Variants in ADAM11 observed in about 807,000 individuals in gnomAD.
The protein encoded by ADAM11 is ADAM metallopeptidase domain 11.
In ADAM11, 49 loss-of-function variants were observed where a neutral mutation model predicts 119.1. The ratio of observed to expected loss-of-function variants is 0.41; its 90% confidence interval spans 0.33 to 0.52. ADAM11 has a LOEUF of 0.52. Among genes scored for constraint, ADAM11 ranks in the 20% least tolerant of loss-of-function variants. The pLI, the probability that ADAM11 is intolerant of heterozygous loss-of-function variation, is 0.20. For missense variants in ADAM11, 777 were observed against 1,047.5 expected, an observed-to-expected ratio of 0.74 and a Z score of 3.56; for synonymous variants, 364 against 408.0, an observed-to-expected ratio of 0.89 and a Z score of 1.30.
rs755326614 is a variant in ADAM11, at chr17:44,776,606, T to C, written c.1567-139T>C. On this transcript the variant is annotated intron_variant, in intron 18 of 26. Transcript: ENST00000200557. This position sits in a 1 kb window ranked among gnomAD's most constrained non-coding sequence, Gnocchi z 5.2. The stretch of plus-strand genomic sequence containing the variant: ...TGGTCTGGGTCCAGAACCAGACAGA[T>C]CGCTTGTCCTAGGCGTGGAAGAGCC... 5.5e-6 allele frequency: 6 copies of C among 1,094,796 alleles called. No homozygotes were observed. The highest frequency in any genetic ancestry group is 2.6e-5 in the East Asian group (1 of 38,494). The allele number at this position is 1,094,796 out of a possible 1,614,324, so 67.8% of individuals were successfully genotyped here. A position where few individuals can be genotyped will look rare whatever the true frequency, so the allele number is the denominator to read the frequency against.
At position 44,776,063 on chromosome 17, in the gene ADAM11, G is replaced by T. The variant is rs934488769; in HGVS notation, c.1486-64G>T. The T allele has an allele frequency of 2.3e-5, 37 of 1,583,816 alleles. No individual in the cohort carries two copies. The highest frequency in any genetic ancestry group is 3.4e-5 in the Admixed American group (2 of 59,330). On this transcript the variant is annotated intron_variant, in intron 17 of 26. Coordinates refer to ENST00000200557, the MANE Select transcript of ADAM11 (RefSeq NM_002390.6). The surrounding 1 kb of genome is among the most constrained non-coding windows in gnomAD (Gnocchi z 5.2). The stretch of plus-strand genomic sequence containing the variant: ...GATGTGGGGGTCCAGAGAGCGAGGG[G>T]CCTGGGGAGGGCAGGGCCGAGGCAT...
chr17:44,777,828 G>T lies in ADAM11; in HGVS notation c.2035G>T (p.Gly679Cys). ...TGCCTTCAACTTCAGCACCTGCCCC[G>T]GCAGTGGGGAGCGCCGGATTTGCTC... ...ASAFNFSTCPGSGERRICSHH... is the reference protein window; with the variant it reads ...ASAFNFSTCPCSGERRICSHH... Residue 679 changes from glycine to cysteine, a missense_variant, in exon 23 of 27, where the codon GGC (glycine) becomes TGC (cysteine). Physicochemically the swap from Gly to Cys is radical, Grantham distance 159 (BLOSUM62 -3). Coordinates refer to ENST00000200557, the MANE Select transcript of ADAM11 (RefSeq NM_002390.6). The surrounding 1 kb of genome is among the most constrained non-coding windows in gnomAD (Gnocchi z 5.1). 1 of 1,613,784 alleles carries T rather than the reference G, an allele frequency of 6.2e-7. No individual in the cohort carries two copies. The highest frequency in any genetic ancestry group is 8.5e-7 in the Non-Finnish European group (1 of 1,180,010).
In ADAM11 at chr17:44,771,819, G is replaced by A; in HGVS notation, c.531G>A (p.Trp177Ter). The change falls in exon 6 of 27, where the codon TGG becomes TGA. Residue 177 changes from tryptophan to a stop codon, truncating the protein, a stop_gained. Coordinates refer to ENST00000200557, the MANE Select transcript of ADAM11 (RefSeq NM_002390.6). LOFTEE classifies it high-confidence loss of function. The stretch of plus-strand genomic sequence containing the variant: ...AGCCCCAAGAGGTGGCTGGACCTTG[G>A]GGAGCCCCTCAGGTAAGCCCCACAC... ...IVEPQEVAGP[W>*]GAPQGPLPHL... is the part of the protein sequence containing the mutation. 6.2e-7 allele frequency: 1 copy of A among 1,611,168 alleles called. No individual in the cohort carries two copies. The highest frequency in any genetic ancestry group is 8.5e-7 in the Non-Finnish European group (1 of 1,177,684).
In ADAM11 at chr17:44,769,755, C is replaced by T. The variant is rs369093900; in HGVS notation, c.275C>T (p.Ala92Val). The T allele has an allele frequency of 6.2e-6, 10 of 1,614,038 alleles. 1 individual carries two copies. In the African/African-American group the frequency reaches 1.3e-4, roughly 22 times the overall value. Residue 92 changes from alanine to valine, a missense_variant, in exon 3 of 27, where the codon GCC becomes GTC. Physicochemically the swap from Ala to Val is moderately conservative, Grantham distance 64. This residue lies in a region of ADAM11 where 278 missense variants were observed against 310.1 expected (regional missense o/e 0.90). Coordinates refer to ENST00000200557, the MANE Select transcript of ADAM11 (RefSeq NM_002390.6). ...HLAQVSFVIP[A>V]FNSNFTLDLE... The stretch of plus-strand genomic sequence containing the variant: ...GCCCAGGTGAGTTTCGTCATCCCAG[C>T]CTTCAACTCAAACTTCACCCTGGAC...
Position 44,772,549 on chromosome 17 carries a change from AC to A in ADAM11, c.678+86del. 1 of 1,477,620 alleles carries A rather than the reference AC, an allele frequency of 6.8e-7. No homozygotes were observed. The highest frequency in any genetic ancestry group is 9.2e-7 in the Non-Finnish European group (1 of 1,092,240). The allele number at this position is 1,477,620 out of a possible 1,614,324, so 91.5% of individuals were successfully genotyped here. A position where few individuals can be genotyped will look rare whatever the true frequency, so the allele number is the denominator to read the frequency against. Reference sequence around the variant, plus strand: ...AGGCCGTGGCCCAGAGCAGGAGGGCACCCTCATCTATGGCTGGGGCGAAGGA... The same window carrying A: ...AGGCCGTGGCCCAGAGCAGGAGGGCACCTCATCTATGGCTGGGGCGAAGGA... On this transcript the variant is annotated intron_variant, in intron 8 of 26. Transcript: ENST00000200557. The surrounding 1 kb of genome is among the most constrained non-coding windows in gnomAD (Gnocchi z 4.5).
Position 44,779,900 on chromosome 17 carries a change from G to A in ADAM11, c.*146G>A. The stretch of plus-strand genomic sequence containing the variant: ...CTCCTGGCTCCGCAGGGGTTTGGGT[G>A]GGGGCTGTGGCCCTGCCCTTGGCAC... On this transcript the variant is annotated 3_prime_UTR_variant, in exon 27 of 27. Transcript: ENST00000200557. The A allele has an allele frequency of 1.6e-6, 2 of 1,213,166 alleles. No homozygotes were observed. Among genetic ancestry groups the A allele is most frequent in the East Asian group, 2.5e-5 (1 of 39,650 alleles). 75.2% of individuals were successfully genotyped at this position (1,213,166 alleles called of 1,614,324 possible).
intron 2 of ADAM11, among the ~76,000 whole-genome samples, chr17:44,766,892 C>T (rs752934230): frequency 1.3e-5 from 2 of 152,036 alleles, no homozygotes; most frequent in Non-Finnish European, 2.9e-5. Context: ...AGGCAGGGAG[C>T]ACAGTTTGGC....
intron 6 of ADAM11, 22 bp downstream of exon 6, chr17:44,771,853 G>A (rs1446937952): frequency 1.9e-6 from 3 of 1,591,148 alleles, no homozygotes; most frequent in Non-Finnish European, 2.6e-6. Flanking sequence ...ACAACCCCTT[G>A]CCATCCTCTC....
In ADAM11 at chr17:44,777,210, AC is replaced by A; in HGVS notation, c.1727del (p.Thr576ArgfsTer37). The A allele has an allele frequency of 6.2e-7, 1 of 1,609,000 alleles. No individual in the cohort carries two copies. Among genetic ancestry groups the A allele is most frequent in the Non-Finnish European group, 8.5e-7 (1 of 1,179,416 alleles). Reference protein sequence around the residue: ...FCYEKLNVEGTERGSCGRKGS... With the variant: ...FCYEKLNVEGXERGSCGRKGS... ...CTACGAGAAGCTGAATGTGGAGGGGACGGAGCGTGGGAGCTGTGGGCGCAAG... is the reference window on the plus strand; with the variant it reads ...CTACGAGAAGCTGAATGTGGAGGGGAGGAGCGTGGGAGCTGTGGGCGCAAG... On this transcript the variant is annotated frameshift_variant, in exon 21 of 27. Transcript: ENST00000200557. LOFTEE classifies it high-confidence loss of function. The surrounding 1 kb of genome is among the most constrained non-coding windows in gnomAD (Gnocchi z 5.1).
chr17:44,775,756 G>A lies in ADAM11; in HGVS notation c.1485+80G>A. 1.1e-5 allele frequency: 15 copies of A among 1,390,160 alleles called. No individual in the cohort carries two copies. The highest frequency in any genetic ancestry group is 1.4e-5 in the Non-Finnish European group (14 of 1,031,168). 86.1% of individuals were successfully genotyped at this position (1,390,160 alleles called of 1,614,324 possible). ...CCTTCATATAAGGGGTGGGAGCTAG[G>A]GAGGGAAGCGGAGCCTTCGGGGACG... On this transcript the variant is annotated intron_variant, in intron 17 of 26. Transcript: ENST00000200557. This position sits in a 1 kb window ranked among gnomAD's most constrained non-coding sequence, Gnocchi z 7.5.
In ADAM11 at chr17:44,778,007, G is replaced by T. The variant is rs988034923; in HGVS notation, c.2126G>T (p.Cys709Phe). The change falls in exon 24 of 27, where the codon TGC becomes TTC. Residue 709 changes from cysteine (C) to phenylalanine (F), a missense_variant. Physicochemically the swap from Cys to Phe is radical, Grantham distance 205 (BLOSUM62 -2). Coordinates refer to ENST00000200557, the MANE Select transcript of ADAM11 (RefSeq NM_002390.6). ...CAGCCAGACTGGACAGGCAAAGACT[G>T]CAGTATCCATAACCCCCTGCCCACG... ...ICQPDWTGKDCSIHNPLPTSP... is the reference protein window; with the variant it reads ...ICQPDWTGKDFSIHNPLPTSP... 1 of 1,614,022 alleles carries T rather than the reference G, an allele frequency of 6.2e-7. No individual in the cohort carries two copies. The highest frequency in any genetic ancestry group is 8.5e-7 in the Non-Finnish European group (1 of 1,180,002).
At position 44,773,459 on chromosome 17, in the gene ADAM11, C is replaced by T. The variant is rs1165526877; in HGVS notation, c.992+32C>T. 2 of 1,604,426 alleles carry T rather than the reference C, an allele frequency of 1.2e-6. No individual in the cohort carries two copies. The highest frequency in any genetic ancestry group is 1.3e-5 in the African/African-American group (1 of 74,820). On this transcript the variant is annotated intron_variant, in intron 11 of 26. Transcript: ENST00000200557. The surrounding 1 kb of genome is among the most constrained non-coding windows in gnomAD (Gnocchi z 4.6). ...CCCCCACCCTGCACCTCCTGCCAGC[C>T]TCTGCTAGTTGCTACAGTGCTTGGG...
In ADAM11 at chr17:44,780,225, G is replaced by A. The variant is rs140643052; in HGVS notation, c.*471G>A. On this transcript the variant is annotated 3_prime_UTR_variant, in exon 27 of 27. Transcript: ENST00000200557. ...AATCTTAATCGATGAATGTAAACTC[G>A]GGGGTGCTGGGGCCAGGGCAGATGT... is the stretch of plus-strand genomic sequence containing the variant. 2.4e-4 allele frequency: 106 copies of A among 445,728 alleles called. No homozygotes were observed. Among genetic ancestry groups the A allele is most frequent in the African/African-American group, 1.8e-3 (88 of 49,182 alleles). 27.6% of individuals were successfully genotyped at this position (445,728 alleles called of 1,614,324 possible). A position where few individuals can be genotyped will look rare whatever the true frequency, so the allele number is the denominator to read the frequency against.
rs1057337412 is a variant in ADAM11 at position 44,773,221 on chromosome 17, C to A, written c.826-40C>A. ...GGCCCTCCTCCAGCCCTGGCCCCAA[C>A]ACCCACTCCCACCCTCCAGCCCCCT... On this transcript the variant is annotated intron_variant, in intron 10 of 26. Transcript: ENST00000200557. The surrounding 1 kb of genome is among the most constrained non-coding windows in gnomAD (Gnocchi z 4.6). The A allele has an allele frequency of 6.2e-7, 1 of 1,607,378 alleles. No individual in the cohort carries two copies. Among genetic ancestry groups the A allele is most frequent in the South Asian group, 1.1e-5 (1 of 90,748 alleles).
chr17:44,776,098 C>T lies in ADAM11; in HGVS notation c.1486-29C>T, dbSNP rs750640162. On this transcript the variant is annotated intron_variant, in intron 17 of 26. Coordinates refer to ENST00000200557, the MANE Select transcript of ADAM11 (RefSeq NM_002390.6). The surrounding 1 kb of genome is among the most constrained non-coding windows in gnomAD (Gnocchi z 5.2). ...GGCAGGGCCGAGGCATCCATCCTGC[C>T]TGACTCGAGGAGCGCGTCTCTTCCC... 6.2e-7 allele frequency: 1 copy of T among 1,612,622 alleles called. No homozygotes were observed. The highest frequency in any genetic ancestry group is 1.1e-5 in the South Asian group (1 of 91,044).
rs1260074961 is a variant in ADAM11, at chr17:44,771,620, C to T, written c.418C>T (p.Arg140Trp). 5 of 1,611,880 alleles carry T rather than the reference C, an allele frequency of 3.1e-6. No homozygotes were observed. The South Asian group carries it at 3.3e-5, about 11-fold the overall frequency. Reference sequence around the variant, plus strand: ...CCACTGCTACTACCAGGGGAAGCTCCGGGGGAACCCGCACTCCTTCGCCGC... The same window carrying T: ...CCACTGCTACTACCAGGGGAAGCTCTGGGGGAACCCGCACTCCTTCGCCGC... ...GDHCYYQGKL[R>W]GNPHSFAALS... is the part of the protein sequence containing the mutation. The change falls in exon 5 of 27, where the codon CGG becomes TGG. Residue 140 changes from arginine (R) to tryptophan (W), a missense_variant. Physicochemically the swap from Arg to Trp is moderately radical, Grantham distance 101 (BLOSUM62 -3). This residue lies in a region of ADAM11 where 278 missense variants were observed against 310.1 expected (regional missense o/e 0.90). Transcript: ENST00000200557.
chr17:44,773,525 G>A lies in ADAM11; in HGVS notation c.992+98G>A. On this transcript the variant is annotated intron_variant, in intron 11 of 26. Coordinates refer to ENST00000200557, the MANE Select transcript of ADAM11 (RefSeq NM_002390.6). The surrounding 1 kb of genome is among the most constrained non-coding windows in gnomAD (Gnocchi z 4.6). ...CCCTGTGCTGGCTGCTCCTCTCAGA[G>A]TCTGGGGACTGGGCTCACCTTGCAC... is the stretch of plus-strand genomic sequence containing the variant. 2 of 1,445,598 alleles carry A rather than the reference G, an allele frequency of 1.4e-6. No homozygotes were observed. The highest frequency in any genetic ancestry group is 1.9e-6 in the Non-Finnish European group (2 of 1,079,320). The allele number at this position is 1,445,598 out of a possible 1,614,324, so 89.5% of individuals were successfully genotyped here.
chr17:44,769,296 C>A (rs2049488539), intron 2 of ADAM11, among the ~76,000 whole-genome samples: 1 of 152,214 alleles, frequency 6.6e-6, no homozygotes, highest in Admixed American at 6.5e-5. Context: ...TCCTGCCTCC[C>A]ATTTCCTGTT....
In ADAM11 at chr17:44,779,874, A is replaced by C; in HGVS notation, c.*120A>C. On this transcript the variant is annotated 3_prime_UTR_variant, in exon 27 of 27. Coordinates refer to ENST00000200557, the MANE Select transcript of ADAM11 (RefSeq NM_002390.6). Reference sequence around the variant, plus strand: ...ATGTCTTCCAGGTCCAAACCCTTCAACTCCTGGCTCCGCAGGGGTTTGGGT... The same window carrying C: ...ATGTCTTCCAGGTCCAAACCCTTCACCTCCTGGCTCCGCAGGGGTTTGGGT... 4 of 1,390,824 alleles carry C rather than the reference A, an allele frequency of 2.9e-6. No homozygotes were observed. Among genetic ancestry groups the C allele is most frequent in the Non-Finnish European group, 4.0e-6 (4 of 995,438 alleles). 86.2% of individuals were successfully genotyped at this position (1,390,824 alleles called of 1,614,324 possible).
Sources: allele counts gnomAD v4.1 joint callset (sites outside exome capture counted in the v4.1 genomes callset), GRCh38; gene constraint gnomAD v4.1.1; regional missense constraint gnomAD v4.1.1; non-coding constraint Gnocchi (gnomAD v3.1); transcripts MANE v1.5; gene names NCBI Gene and HGNC (gene_info 2026-07-23, HGNC 2026-07-21).